GSK3B: variants seen among roughly 807,000 people sequenced by gnomAD.
The protein encoded by GSK3B is glycogen synthase kinase 3 beta, also known as glycogen synthase kinase-3 beta.
In GSK3B, 15 loss-of-function variants were observed where a neutral mutation model predicts 56.4. That is an observed-to-expected ratio of 0.27 (90% CI 0.18 to 0.41). The LOEUF (loss-of-function observed/expected upper bound fraction) is 0.41. GSK3B is among the 10% of genes least tolerant of loss of function. The probability of loss-of-function intolerance (pLI) is 1.00; values close to 1 mark genes in which losing one functional copy is unlikely to be tolerated. For missense variants in GSK3B, 300 were observed against 513.4 expected (o/e 0.58, Z 4.02); for synonymous variants, 181 against 188.9 (o/e 0.96, Z 0.34).
intron 2 of GSK3B, among the ~76,000 whole-genome samples, chr3:119,981,404 C>A (rs2057460428): frequency 1.3e-5 from 2 of 152,228 alleles, no homozygotes; most frequent in African/African-American, 2.4e-5. Flanking sequence ...GTTGCATCAC[C>A]CACAAAGCGC....
intron 10 of GSK3B, chr3:119,832,846 G>A (rs760385966): frequency 1.6e-5 from 4 of 254,146 alleles, no homozygotes; most frequent in Non-Finnish European, 2.5e-5. Context: ...GTTCCCAAAA[G>A]AGTCCATGAG....
At position 120,093,908 on chromosome 3, in the gene GSK3B, AGAGG is replaced by A. The variant is rs749544278; in HGVS notation, c.-478_-475del. ...AAAGGGGGATGGGTAGGAGGGAGGG[AGAGG>A]GAGGGAGGGGGTGGCTCGGAGATGC... is the stretch of plus-strand genomic sequence containing the variant. On this transcript the variant is annotated 5_prime_UTR_variant, in exon 1 of 11. Transcript: ENST00000264235. 2 of 145,984 alleles carry A rather than the reference AGAGG, an allele frequency of 1.4e-5. No homozygotes were observed. The highest frequency in any genetic ancestry group is 2.8e-5 in the Non-Finnish European group (2 of 70,792). The allele number at this position is 145,984 out of a possible 1,614,324, so 9.0% of individuals were successfully genotyped here. A position where few individuals can be genotyped will look rare whatever the true frequency, so the allele number is the denominator to read the frequency against.
At chr3:119,942,701 T>C (rs138092191) in intron 3 of GSK3B, among the ~76,000 whole-genome samples, 179 of 152,276 alleles carry the variant, frequency 1.2e-3, no homozygotes, top group African/African-American at 4.2e-3. Context: ...GCAACTCTGC[T>C]TTTCATATGT....
rs760700352 is a variant in GSK3B at position 119,923,391 on chromosome 3, G to C, written c.459C>G (p.Leu153=). The change falls in exon 4 of 11, where the codon CTC becomes CTG. Residue 153 remains leucine, a synonymous_variant. Transcript: ENST00000264235. The part of the protein sequence containing the change: ...ARHYSRAKQT[L]PVIYVKLYMY... The stretch of plus-strand genomic sequence containing the variant: ...TACATACCTTGACATAAATCACAGG[G>C]AGCGTCTGTTTGGCTCGACTATAGT... 6.4e-7 allele frequency: 1 copy of C among 1,567,578 alleles called. No individual in the cohort carries two copies.
In GSK3B at chr3:119,882,751, T is replaced by C. The variant is rs188706995; in HGVS notation, c.814-6243A>G. 6.6e-5 allele frequency among the ~76,000 whole-genome samples: 10 copies of C among 152,320 alleles called. No individual in the cohort carries two copies. In the East Asian group the frequency reaches 1.9e-3, roughly 29 times the overall value. ...TATTTAAAAAGTATTTTTTTTCTTC[T>C]GCAACTCATTCCTTTATAAAGATTA... On this transcript the variant is annotated intron_variant, in intron 7 of 10. Transcript: ENST00000264235.
chr3:119,846,012 G>C (rs1216053928), intron 9 of GSK3B, among the ~76,000 whole-genome samples: 1 of 152,136 alleles, frequency 6.6e-6, no homozygotes, highest in Non-Finnish European at 1.5e-5. Context: ...ACAACCATCT[G>C]ATCTTTGACA....
At chr3:119,853,387 T>C (rs1010357819) in intron 9 of GSK3B, among the ~76,000 whole-genome samples, 38 of 152,240 alleles carry the variant, frequency 2.5e-4, no homozygotes, top group African/African-American at 6.3e-4. Context: ...TTGCTTAAGA[T>C]TGTCTTGGCT....
At chr3:119,845,437 T>A (rs994515098) in intron 9 of GSK3B, among the ~76,000 whole-genome samples, 3 of 152,194 alleles carry the variant, frequency 2.0e-5, no homozygotes, top group Non-Finnish European at 4.4e-5. Context: ...GCCCAAAATC[T>A]CCTTAAGCTG....
At chr3:119,923,216 A>G (rs1251025525) in intron 4 of GSK3B, among the ~76,000 whole-genome samples, 157 bp downstream of exon 4, 1 of 152,242 alleles carries the variant, frequency 6.6e-6, no homozygotes, top group East Asian at 1.9e-4. Context: ...TCACATTTTA[A>G]AACTGTAAAA....
intron 7 of GSK3B, among the ~76,000 whole-genome samples, chr3:119,885,700 C>T (rs961126920): frequency 5.9e-5 from 9 of 152,060 alleles, no homozygotes; most frequent in Non-Finnish European, 1.2e-4. Context: ...GGCACAAAAA[C>T]AGATTCATAG....
intron 8 of GSK3B, among the ~76,000 whole-genome samples, chr3:119,874,177 G>A (rs2056280437): frequency 6.6e-6 from 1 of 152,046 alleles, no homozygotes; most frequent in Non-Finnish European, 1.5e-5. Flanking sequence ...AATTCAGGGG[G>A]AAAATGCAGA....
intron 1 of GSK3B, among the ~76,000 whole-genome samples, chr3:120,079,238 G>A (rs949523163): frequency 3.4e-5 from 5 of 147,794 alleles, no homozygotes; most frequent in African/African-American, 1.0e-4. Context: ...ACTGCACCTG[G>A]CCTGTCTCCT....
intron 9 of GSK3B, 147 bp downstream of exon 9, chr3:119,863,272 T>C: frequency 1.5e-6 from 1 of 660,298 alleles, no homozygotes; most frequent in South Asian, 1.9e-5. Context: ...TAGTGGCCAG[T>C]AAGTTAGAAA....
At chr3:119,915,114 T>A (rs115290719) in intron 5 of GSK3B, among the ~76,000 whole-genome samples, 2,446 of 152,074 alleles carry the variant, frequency 0.016, 33 homozygotes, top group Non-Finnish European at 0.027. Context: ...CACAAAGTAC[T>A]GAAAACTGAA....
intron 2 of GSK3B, among the ~76,000 whole-genome samples, chr3:119,949,989 A>G (rs927484807): frequency 6.6e-6 from 1 of 152,080 alleles, no homozygotes; most frequent in Non-Finnish European, 1.5e-5. Flanking sequence ...TGCATTTGGG[A>G]GTCATCTAGA....
intron 8 of GSK3B, among the ~76,000 whole-genome samples, chr3:119,864,013 C>T (rs1233477740): frequency 6.6e-6 from 1 of 152,086 alleles, no homozygotes; most frequent in African/African-American, 2.4e-5. Flanking sequence ...TAATGATGAG[C>T]AGCACTGTTC....
intron 2 of GSK3B, among the ~76,000 whole-genome samples, chr3:119,990,235 C>A (rs944655373): frequency 3.9e-5 from 6 of 152,002 alleles, no homozygotes; most frequent in African/African-American, 1.4e-4. Flanking sequence ...AAGATGTCTG[C>A]CCCAAGATAA....
chr3:120,066,169 C>T (rs899363540), intron 1 of GSK3B, among the ~76,000 whole-genome samples: 13 of 152,074 alleles, frequency 8.5e-5, no homozygotes, highest in Admixed American at 8.5e-4. Flanking sequence ...CTAGCTCTGT[C>T]CACTAAAAGA....
intron 10 of GSK3B, among the ~76,000 whole-genome samples, chr3:119,831,292 GAACT>G (rs747201920): frequency 1.1e-4 from 16 of 152,122 alleles, no homozygotes; most frequent in Non-Finnish European, 2.2e-4. Flanking sequence ...CTTTCATTTA[GAACT>G]AACCTCAATA....
Sources: allele counts gnomAD v4.1 joint callset (sites outside exome capture counted in the v4.1 genomes callset), GRCh38; gene constraint gnomAD v4.1.1; transcripts MANE v1.5; gene names NCBI Gene and HGNC (gene_info 2026-07-23, HGNC 2026-07-21).